The following CPQ variants were observed in gnomAD, a reference collection of about 807,000 sequenced individuals.
The protein encoded by CPQ is Ser-Met dipeptidase.
CPQ carries 37 observed loss-of-function variants against 45.7 expected under a neutral mutation model. The ratio of observed to expected loss-of-function variants is 0.81; its 90% CI spans 0.62 to 1.07. The LOEUF (loss-of-function observed/expected upper bound fraction) is 1.07. CPQ is among the 50% of genes least tolerant of loss of function. CPQ has a pLI of 0.00. For missense variants in CPQ, 537 were observed against 572.9 expected (o/e 0.94, Z 0.64); for synonymous variants, 186 against 205.8 (o/e 0.90, Z 0.82).
At chr8:96,723,009 A>G (rs1391593282) in intron 1 of CPQ, among the ~76,000 whole-genome samples, 4 of 152,224 alleles carry the variant, frequency 2.6e-5, no homozygotes, top group South Asian at 4.1e-4. Flanking sequence ...CATCTCTGCC[A>G]TAGAAAGATT....
At chr8:96,945,348 A>G (rs1813175959) in intron 4 of CPQ, among the ~76,000 whole-genome samples, 1 of 152,182 alleles carries the variant, frequency 6.6e-6, no homozygotes, top group Non-Finnish European at 1.5e-5. Flanking sequence ...TTCATAATGC[A>G]GATAGTATAT....
intron 4 of CPQ, among the ~76,000 whole-genome samples, chr8:96,932,565 T>C (rs747420015): frequency 3.9e-5 from 6 of 152,206 alleles, no homozygotes; most frequent in Non-Finnish European, 8.8e-5. Context: ...AAGCTGATTA[T>C]GTTTCTTGCC....
intron 5 of CPQ, among the ~76,000 whole-genome samples, chr8:97,008,222 G>T (rs762581545): frequency 5.3e-5 from 8 of 152,130 alleles, no homozygotes; most frequent in Admixed American, 3.9e-4. Context: ...TTGATGCTTT[G>T]TGCTATTAAA....
At chr8:97,075,806 C>T (rs1201668221) in intron 7 of CPQ, among the ~76,000 whole-genome samples, 2 of 152,014 alleles carry the variant, frequency 1.3e-5, no homozygotes, top group African/African-American at 2.4e-5. Context: ...GTATACAAAA[C>T]TAAAATAATA....
chr8:96,970,813 T>C (rs1388584169), intron 5 of CPQ, among the ~76,000 whole-genome samples: 1 of 152,192 alleles, frequency 6.6e-6, no homozygotes, highest in African/African-American at 2.4e-5. Flanking sequence ...TCCGCCCGCC[T>C]CGGCCTCCCA....
intron 6 of CPQ, among the ~76,000 whole-genome samples, chr8:97,059,142 G>A (rs1422181213): frequency 1.3e-5 from 2 of 152,078 alleles, no homozygotes; most frequent in Non-Finnish European, 2.9e-5. Context: ...TGCTTCAAAT[G>A]ACATTGCAAA....
At chr8:97,088,110 C>A (rs1038098704) in intron 7 of CPQ, among the ~76,000 whole-genome samples, 2 of 152,094 alleles carry the variant, frequency 1.3e-5, no homozygotes, top group African/African-American at 4.8e-5. Flanking sequence ...GAAAGTTATT[C>A]TTTTGCAATA....
At chr8:96,877,081 AG>A (rs745425326) in intron 3 of CPQ, among the ~76,000 whole-genome samples, 141 of 152,278 alleles carry the variant, frequency 9.3e-4, no homozygotes, top group Non-Finnish European at 1.7e-3. Context: ...AAATTGCAGA[AG>A]GGGCTTGTAA....
chr8:96,972,181 C>T (rs111980559), intron 5 of CPQ, among the ~76,000 whole-genome samples: 1,701 of 152,244 alleles, frequency 0.011, 34 homozygotes, highest in African/African-American at 0.039. Context: ...GGAGTGAGAC[C>T]GGCCTTCAGG....
intron 4 of CPQ, among the ~76,000 whole-genome samples, chr8:96,965,129 T>G (rs918993365): frequency 1.4e-4 from 22 of 152,130 alleles, no homozygotes; most frequent in Non-Finnish European, 2.6e-4. Context: ...TTGGATCTAG[T>G]TTTGAAATCC....
At chr8:96,958,936 A>G (rs1303912534) in intron 4 of CPQ, among the ~76,000 whole-genome samples, 2 of 151,742 alleles carry the variant, frequency 1.3e-5, no homozygotes, top group East Asian at 1.9e-4. Context: ...AAGCTTGAAG[A>G]TAAGAAATCA....
At chr8:96,711,645 TAAG>T (rs982717886) in intron 1 of CPQ, among the ~76,000 whole-genome samples, 5 of 152,058 alleles carry the variant, frequency 3.3e-5, no homozygotes, top group African/African-American at 1.2e-4. Flanking sequence ...TCAGATCTGG[TAAG>T]AACTGACTCA....
intron 5 of CPQ, among the ~76,000 whole-genome samples, chr8:97,004,254 G>A (rs1809337240): frequency 6.7e-6 from 1 of 148,810 alleles, no homozygotes; most frequent in African/African-American, 2.5e-5. Context: ...ATAAGTAAAG[G>A]TCCAAAATAA....
intron 1 of CPQ, among the ~76,000 whole-genome samples, chr8:96,753,148 T>C (rs1054204802): frequency 6.6e-6 from 1 of 152,170 alleles, no homozygotes; most frequent in African/African-American, 2.4e-5. Context: ...ACACAAACCG[T>C]TTATAGAGTA....
At chr8:96,870,016 A>G (rs1463015945) in intron 3 of CPQ, among the ~76,000 whole-genome samples, 1 of 152,088 alleles carries the variant, frequency 6.6e-6, no homozygotes, top group Non-Finnish European at 1.5e-5. Context: ...TACAGAAGAC[A>G]TAAATGTGCG....
At chr8:96,730,594 T>C (rs1462731452) in intron 1 of CPQ, among the ~76,000 whole-genome samples, 2 of 151,968 alleles carry the variant, frequency 1.3e-5, no homozygotes, top group Non-Finnish European at 2.9e-5. Context: ...AGTGGGCCTA[T>C]AAAATCTTTT....
At chr8:96,752,859 T>A (rs1810280205) in intron 1 of CPQ, among the ~76,000 whole-genome samples, 1 of 152,060 alleles carries the variant, frequency 6.6e-6, no homozygotes, top group Non-Finnish European at 1.5e-5. Flanking sequence ...GTTGACGATA[T>A]ATTTCTGACT....
chr8:96,736,472 G>A (rs575713849), intron 1 of CPQ, among the ~76,000 whole-genome samples: 12 of 152,236 alleles, frequency 7.9e-5, no homozygotes, highest in Admixed American at 1.3e-4. Flanking sequence ...AAGTTTTGCC[G>A]TATCATATTG....
At chr8:97,071,776 GTTT>G (rs1405955403) in intron 7 of CPQ, among the ~76,000 whole-genome samples, 1 of 152,204 alleles carries the variant, frequency 6.6e-6, no homozygotes, top group Non-Finnish European at 1.5e-5. Flanking sequence ...AGGGGATGAT[GTTT>G]TTAAATTCGC....
Sources: gnomAD v4.1 joint callset for allele counts (sites outside exome capture counted in the v4.1 genomes callset) on GRCh38, gnomAD v4.1.1 for gene constraint, MANE v1.5 for transcripts, NCBI Gene and HGNC (gene_info 2026-07-23, HGNC 2026-07-21) for gene names.